MUSK: variants seen among roughly 807,000 people sequenced by gnomAD.
MUSK encodes the protein muscle, skeletal receptor tyrosine-protein kinase.
MUSK carries 55 observed loss-of-function variants against 88.7 expected under a neutral mutation model. The observed-to-expected ratio is 0.62, with a 90% confidence interval of 0.50 to 0.78. The LOEUF is 0.78. Ranked by LOEUF, MUSK falls within the 30% of genes least tolerant of loss-of-function variation. MUSK has a pLI of 0.00. For missense variants in MUSK, 1,015 were observed against 1,074.3 expected, an observed-to-expected ratio of 0.94 and a Z score of 0.77; for synonymous variants, 387 against 391.9, an observed-to-expected ratio of 0.99 and a Z score of 0.15.
At chr9:110,771,575 C>T (rs1424740470) in intron 9 of MUSK, among the ~76,000 whole-genome samples, 1 of 152,110 alleles carries the variant, frequency 6.6e-6, no homozygotes, top group East Asian at 1.9e-4. Flanking sequence ...CTACATGTAA[C>T]AGTGGTTTGT....
intron 5 of MUSK, among the ~76,000 whole-genome samples, chr9:110,701,624 C>A: frequency 6.6e-6 from 1 of 151,496 alleles, no homozygotes; most frequent in Non-Finnish European, 1.5e-5. Flanking sequence ...TTAGCTGGGG[C>A]TACAGGTGTG....
At chr9:110,789,065 T>A (rs537145245) in intron 14 of MUSK, among the ~76,000 whole-genome samples, 1 of 152,314 alleles carries the variant, frequency 6.6e-6, no homozygotes, top group South Asian at 2.1e-4. Context: ...ATTAAAAACA[T>A]TGGCTTTTAA....
intron 5 of MUSK, among the ~76,000 whole-genome samples, chr9:110,715,938 A>T (rs1465442969): frequency 6.7e-6 from 1 of 149,256 alleles, no homozygotes; most frequent in Non-Finnish European, 1.5e-5. Flanking sequence ...ACATGGACAC[A>T]TGGGGGGAAC....
intron 1 of MUSK, among the ~76,000 whole-genome samples, chr9:110,670,366 T>C (rs1188832397): frequency 6.6e-6 from 1 of 152,202 alleles, no homozygotes; most frequent in African/African-American, 2.4e-5. Flanking sequence ...TTAAGTATTA[T>C]TTGTATATTT....
At chr9:110,771,149 G>A (rs1488022104) in intron 9 of MUSK, among the ~76,000 whole-genome samples, 1 of 141,636 alleles carries the variant, frequency 7.1e-6, no homozygotes, top group Non-Finnish European at 1.5e-5. Context: ...TTTCTCTTAT[G>A]CTCATTTCCT....
chr9:110,761,735 C>T (rs1334452557), intron 7 of MUSK, among the ~76,000 whole-genome samples: 2 of 151,882 alleles, frequency 1.3e-5, no homozygotes, highest in East Asian at 1.9e-4. Flanking sequence ...CCACCTCGCC[C>T]GGCTAATTTT....
chr9:110,706,730 A>G (rs2076604165), intron 5 of MUSK, among the ~76,000 whole-genome samples: 2 of 152,154 alleles, frequency 1.3e-5, no homozygotes, highest in African/African-American at 4.8e-5. Context: ...AGGGCCAACC[A>G]TAGTGGCTCA....
intron 9 of MUSK, among the ~76,000 whole-genome samples, chr9:110,772,585 ATT>A (rs1216891301): frequency 6.6e-6 from 1 of 151,994 alleles, no homozygotes; most frequent in Non-Finnish European, 1.5e-5. Flanking sequence ...AAAAATTGGC[ATT>A]TATAAAGACT....
Position 110,694,410 on chromosome 9 carries a change from A to G in MUSK, c.359-993A>G, listed in dbSNP as rs1054286441. Among the ~76,000 whole-genome samples the G allele has an allele frequency of 1.0e-4, 15 of 143,432 alleles. 1 individual carries two copies. Among genetic ancestry groups the G allele is most frequent in the Non-Finnish European group, 1.5e-4 (10 of 67,262 alleles). The allele number at this position is 143,432 out of a possible 152,430, so 94.1% of individuals were successfully genotyped here. ...CAAAAAAAAAAAAAAAAAAAAACAAAAAAACAAAACCCAACAGGTCATGAA... is the reference window on the plus strand; with the variant it reads ...CAAAAAAAAAAAAAAAAAAAAACAAGAAAACAAAACCCAACAGGTCATGAA... On this transcript the variant is annotated intron_variant, in intron 3 of 14. Transcript: ENST00000374448.
At chr9:110,758,828 A>G (rs2077361138) in intron 7 of MUSK, among the ~76,000 whole-genome samples, 1 of 152,200 alleles carries the variant, frequency 6.6e-6, no homozygotes, top group Non-Finnish European at 1.5e-5. Flanking sequence ...ACAAAAGAAT[A>G]AATACCGAGG....
chr9:110,683,912 T>C (rs1356741053), intron 2 of MUSK, among the ~76,000 whole-genome samples: 1 of 152,148 alleles, frequency 6.6e-6, no homozygotes, highest in African/African-American at 2.4e-5. Context: ...TGCAAATATT[T>C]CCTCCCATTC....
In MUSK at chr9:110,682,978, A is replaced by T. The variant is rs113148487; in HGVS notation, c.206+178A>T. Among the ~76,000 whole-genome samples the T allele has an allele frequency of 0.023, 3,442 of 152,222 alleles. 125 individuals are homozygous for T. The highest frequency in any genetic ancestry group is 0.079 in the African/African-American group (3,269 of 41,544). On this transcript the variant is annotated intron_variant, in intron 2 of 14. Transcript: ENST00000374448. ...AGCATTAATCATTTGAATTACAAAC[A>T]ATCCAATTACACACTTTAAGTTATT...
intron 3 of MUSK, among the ~76,000 whole-genome samples, chr9:110,694,529 C>A (rs1345482750): frequency 6.6e-6 from 1 of 152,022 alleles, no homozygotes; most frequent in Admixed American, 6.6e-5. Context: ...ATATTTCATG[C>A]GTTCCTTTGT....
intron 11 of MUSK, among the ~76,000 whole-genome samples, chr9:110,781,527 T>C (rs562050379): frequency 1.6e-3 from 239 of 152,270 alleles, no homozygotes; most frequent in Non-Finnish European, 2.2e-3. Context: ...TCACCCGCCT[T>C]AGCCTCCCAA....
In MUSK at chr9:110,800,729, A is replaced by C. The variant is rs753090342; in HGVS notation, c.2351A>C (p.Asp784Ala). The change falls in exon 15 of 15, where the codon GAT (aspartate) becomes GCT (alanine). Residue 784 changes from aspartate to alanine, a missense_variant. Asp to Ala is a moderately radical substitution (Grantham distance 126, BLOSUM62 -2). Transcript: ENST00000374448. ...TATAACCGCTACACTACAGAGTCTG[A>C]TGTGTGGGCCTATGGCGTGGTCCTC... The part of the protein sequence containing the change: ...IFYNRYTTES[D>A]VWAYGVVLWE... 6.2e-7 allele frequency: 1 copy of C among 1,613,952 alleles called. No individual in the cohort carries two copies.
chr9:110,798,614 T>A (rs1024854558), intron 14 of MUSK, among the ~76,000 whole-genome samples: 7 of 152,126 alleles, frequency 4.6e-5, no homozygotes, highest in African/African-American at 7.2e-5. Flanking sequence ...AATTCATCCA[T>A]CCACCCATCA....
In MUSK at chr9:110,800,875, A is replaced by G; in HGVS notation, c.2497A>G (p.Asn833Asp). 2 of 1,587,048 alleles carry G rather than the reference A, an allele frequency of 1.3e-6. No homozygotes were observed. The highest frequency in any genetic ancestry group is 8.6e-7 in the Non-Finnish European group (1 of 1,165,304). The change falls in exon 15 of 15, where the codon AAT (asparagine) becomes GAT (aspartate). Residue 833 changes from asparagine to aspartate, a missense_variant. Asn to Asp is a conservative substitution (Grantham distance 23, BLOSUM62 1). Coordinates refer to ENST00000374448, the MANE Select transcript of MUSK (RefSeq NM_005592.4). ...TGAGAACTGCCCCGTGGAGCTGTAC[A>G]ATCTCATGCGTCTATGTTGGAGCAA... ...CPENCPVELY[N>D]LMRLCWSKLP...
chr9:110,763,389 CAGAGT>C (rs2077429734), intron 8 of MUSK, among the ~76,000 whole-genome samples: 1 of 150,612 alleles, frequency 6.6e-6, no homozygotes, highest in African/African-American at 2.5e-5. Flanking sequence ...ACTGCCTTAG[CAGAGT>C]AAAGTTTATC....
chr9:110,779,001 T>C (rs928271476), intron 11 of MUSK, among the ~76,000 whole-genome samples: 9 of 151,394 alleles, frequency 5.9e-5, no homozygotes, highest in Admixed American at 4.6e-4. Flanking sequence ...AGACCATTTT[T>C]CCATAATGAT....
Sources: gnomAD v4.1 joint callset for allele counts (sites outside exome capture counted in the v4.1 genomes callset) on GRCh38, gnomAD v4.1.1 for gene constraint, MANE v1.5 for transcripts, NCBI Gene and HGNC (gene_info 2026-07-23, HGNC 2026-07-21) for gene names.